SLC39A11: variants seen among roughly 807,000 people sequenced by gnomAD.
The protein encoded by SLC39A11 is zinc transporter ZIP11.
A neutral mutation model predicts 36.1 loss-of-function variants in SLC39A11; 33 were observed. The ratio of observed to expected loss-of-function variants is 0.91; its 90% CI spans 0.69 to 1.22. The LOEUF is 1.22. SLC39A11 is among the 50% of genes most tolerant of loss of function. SLC39A11 has a pLI of 0.00. For missense variants in SLC39A11, 432 were observed against 430.3 expected, an observed-to-expected ratio of 1.00 and a Z score of -0.03; for synonymous variants, 166 against 170.3, an observed-to-expected ratio of 0.97 and a Z score of 0.20.
At chr17:72,854,691 T>C (rs1598122243) in intron 5 of SLC39A11, among the ~76,000 whole-genome samples, 1 of 152,186 alleles carries the variant, frequency 6.6e-6, no homozygotes, top group Non-Finnish European at 1.5e-5. Context: ...TAACTTATAA[T>C]TGAGCATCTA....
At chr17:73,088,594 G>A in intron 2 of SLC39A11, 63 bp downstream of exon 2, 2 of 1,320,558 alleles carry the variant, frequency 1.5e-6, no homozygotes, top group Non-Finnish European at 2.1e-6. Flanking sequence ...CCATGGAGTG[G>A]GACAGTGCCC....
chr17:72,841,585 G>A (rs997171523), intron 6 of SLC39A11, among the ~76,000 whole-genome samples: 11 of 152,084 alleles, frequency 7.2e-5, no homozygotes, highest in African/African-American at 2.7e-4. Flanking sequence ...AAGTAGTGAT[G>A]GTTAATAGGT....
At chr17:72,662,864 G>A (rs2070537571) in intron 7 of SLC39A11, among the ~76,000 whole-genome samples, 1 of 152,194 alleles carries the variant, frequency 6.6e-6, no homozygotes. Context: ...CATCCTGGGA[G>A]TGCTGTTATT....
At chr17:73,060,704 C>G (rs1193891079) in intron 3 of SLC39A11, among the ~76,000 whole-genome samples, 2 of 152,072 alleles carry the variant, frequency 1.3e-5, no homozygotes, top group African/African-American at 2.4e-5. Context: ...ATGGGAAGTA[C>G]TGTCAAATAA....
intron 7 of SLC39A11, among the ~76,000 whole-genome samples, chr17:72,712,055 G>A (rs751952872): frequency 5.3e-5 from 8 of 152,240 alleles, no homozygotes; most frequent in Non-Finnish European, 1.2e-4. Flanking sequence ...TGTCCTACAA[G>A]GTCTGCTGGC....
chr17:72,893,969 T>C (rs1294083460), intron 5 of SLC39A11, among the ~76,000 whole-genome samples: 2 of 152,190 alleles, frequency 1.3e-5, no homozygotes, highest in East Asian at 3.9e-4. Flanking sequence ...AGACAGGTGC[T>C]GTATAGTGTC....
At chr17:72,889,242 C>T (rs1212091897) in intron 5 of SLC39A11, among the ~76,000 whole-genome samples, 1 of 152,052 alleles carries the variant, frequency 6.6e-6, no homozygotes, top group African/African-American at 2.4e-5. Context: ...TGGCCAGATG[C>T]AGTGGCTCAC....
At chr17:72,876,303 T>C (rs2080893779) in intron 5 of SLC39A11, among the ~76,000 whole-genome samples, 1 of 152,224 alleles carries the variant, frequency 6.6e-6, no homozygotes, top group Non-Finnish European at 1.5e-5. Flanking sequence ...AATGGTCAAA[T>C]GCTTCATATC....
intron 7 of SLC39A11, among the ~76,000 whole-genome samples, chr17:72,660,381 C>A (rs1274340197): frequency 6.6e-6 from 1 of 152,224 alleles, no homozygotes; most frequent in African/African-American, 2.4e-5. Context: ...TAACAACATG[C>A]CTTGCCCCTC....
chr17:72,778,236 T>A (rs2076200319), intron 6 of SLC39A11, among the ~76,000 whole-genome samples: 1 of 152,098 alleles, frequency 6.6e-6, no homozygotes, highest in Non-Finnish European at 1.5e-5. Context: ...GGGGAAGCAG[T>A]ATTAGAACCA....
chr17:72,875,803 G>A (rs2080872412), intron 5 of SLC39A11, among the ~76,000 whole-genome samples: 1 of 152,148 alleles, frequency 6.6e-6, no homozygotes, highest in South Asian at 2.1e-4. Context: ...CCAAAGGCGA[G>A]GCTCAGTCAC....
intron 5 of SLC39A11, among the ~76,000 whole-genome samples, chr17:72,922,813 C>T (rs2083750853): frequency 1.3e-5 from 2 of 151,774 alleles, no homozygotes; most frequent in Admixed American, 1.3e-4. Flanking sequence ...ATTAAAAACA[C>T]AAAAATTATC....
At chr17:72,859,257 G>C (rs1278173262) in intron 5 of SLC39A11, among the ~76,000 whole-genome samples, 4 of 152,204 alleles carry the variant, frequency 2.6e-5, no homozygotes, top group Non-Finnish European at 5.9e-5. Context: ...TTGTGGACAG[G>C]CTCCTTGCTA....
chr17:73,035,458 C>A (rs911116688), intron 3 of SLC39A11, among the ~76,000 whole-genome samples: 1 of 152,032 alleles, frequency 6.6e-6, no homozygotes, highest in Non-Finnish European at 1.5e-5. Context: ...ATTTAAAGGG[C>A]GAGTGGGGTA....
intron 4 of SLC39A11, among the ~76,000 whole-genome samples, chr17:72,966,156 G>A (rs2086957499): frequency 6.6e-6 from 1 of 152,226 alleles, no homozygotes; most frequent in South Asian, 2.1e-4. Flanking sequence ...ATCCAAGGGA[G>A]GCGCAGGCTG....
chr17:72,650,054 C>G (rs144138250), intron 7 of SLC39A11, among the ~76,000 whole-genome samples: 1 of 152,230 alleles, frequency 6.6e-6, no homozygotes, highest in South Asian at 2.1e-4. Context: ...GAGTATATCA[C>G]ATTTTATTCA....
chr17:72,955,081 C>T (rs2086147551), intron 4 of SLC39A11, among the ~76,000 whole-genome samples: 2 of 152,082 alleles, frequency 1.3e-5, no homozygotes, highest in Admixed American at 1.3e-4. Context: ...CAGTTCATTC[C>T]TTGTACAGTA....
intron 6 of SLC39A11, among the ~76,000 whole-genome samples, chr17:72,747,093 T>C (rs915673269): frequency 6.6e-6 from 1 of 152,196 alleles, no homozygotes; most frequent in Non-Finnish European, 1.5e-5. Flanking sequence ...AAACATCTAT[T>C]GCTGGAGTGG....
At chr17:72,655,051 C>T (rs977227655) in intron 7 of SLC39A11, among the ~76,000 whole-genome samples, 5 of 152,214 alleles carry the variant, frequency 3.3e-5, no homozygotes, top group African/African-American at 1.2e-4. Flanking sequence ...GCTGCCATGC[C>T]CTCTGGATCC....
Sources: allele counts gnomAD v4.1 joint callset (sites outside exome capture counted in the v4.1 genomes callset), GRCh38; gene constraint gnomAD v4.1.1; transcripts MANE v1.5; gene names NCBI Gene and HGNC (gene_info 2026-07-23, HGNC 2026-07-21).